OPN4: variants seen among roughly 807,000 people sequenced by gnomAD.
OPN4 encodes the protein melanopsin.
Under a neutral mutation model 49.5 loss-of-function variants are expected in OPN4, and 43 were observed. The ratio of observed to expected loss-of-function variants is 0.87; its 90% CI spans 0.68 to 1.12. The LOEUF is 1.12. OPN4 is among the 50% of genes most tolerant of loss of function. The pLI, the probability that OPN4 is intolerant of heterozygous loss-of-function variation, is 0.00. For synonymous variants in OPN4, 263 were observed against 258.0 expected, an observed-to-expected ratio of 1.02 and a Z score of -0.19; for missense variants, 657 against 643.9, an observed-to-expected ratio of 1.02 and a Z score of -0.22.
chr10:86,664,644 C>T (rs187603098), intron 9 of OPN4, among the ~76,000 whole-genome samples: 2 of 152,320 alleles, frequency 1.3e-5, no homozygotes, highest in Non-Finnish European at 2.9e-5. Context: ...AAGGCACATT[C>T]CTGCCTGCCT....
At chr10:86,656,324 C>T in intron 2 of OPN4, 24 bp downstream of exon 2, 1 of 1,572,396 alleles carries the variant, frequency 6.4e-7, no homozygotes, top group East Asian at 2.3e-5. Flanking sequence ...GGTGCTGGGC[C>T]CAGGGCACTG....
rs759120343 is a variant in OPN4, at chr10:86,656,232, C to T, written c.222C>T (p.Gly74=). The change falls in exon 2 of 10, where the codon GGC becomes GGT. Residue 74 remains glycine (G), a synonymous_variant. Transcript: ENST00000241891. ...DVPDHAHYTL[G]TVILLVGLTG... ...CAGACCATGCCCACTATACCCTGGGCACAGTGATCTTGCTGGTGGGACTCA... is the reference window on the plus strand; with the variant it reads ...CAGACCATGCCCACTATACCCTGGGTACAGTGATCTTGCTGGTGGGACTCA... 1 of 1,614,056 alleles carries T rather than the reference C, an allele frequency of 6.2e-7. No homozygotes were observed. Among genetic ancestry groups the T allele is most frequent in the Non-Finnish European group, 8.5e-7 (1 of 1,179,980 alleles).
intron 6 of OPN4, 128 bp from the exon 7 acceptor site, chr10:86,661,153 C>T: frequency 2.7e-6 from 2 of 739,376 alleles, no homozygotes; most frequent in Non-Finnish European, 4.7e-6. Context: ...CAATTCCTCC[C>T]TATGGGGCTG....
At chr10:86,657,347 C>A in intron 2 of OPN4, 1 of 711,378 alleles carries the variant, frequency 1.4e-6, no homozygotes, top group South Asian at 1.5e-5. Context: ...TGACGCCTCC[C>A]TCAGGGTAGA....
At chr10:86,662,601 C>A (rs12244985) in intron 8 of OPN4, among the ~76,000 whole-genome samples, 169 bp downstream of exon 8, 1 of 152,200 alleles carries the variant, frequency 6.6e-6, no homozygotes, top group African/African-American at 2.4e-5. Context: ...CCATGAAGTT[C>A]GTAATCCTCC....
intron 8 of OPN4, among the ~76,000 whole-genome samples, chr10:86,662,989 A>G (rs544567560): frequency 5.9e-5 from 9 of 152,344 alleles, no homozygotes; most frequent in African/African-American, 1.9e-4. Flanking sequence ...TCTGAAAGGG[A>G]AAAGAGGCTT....
rs1444465854 is a variant in OPN4 at position 86,659,406 on chromosome 10, C to G, written c.738C>G (p.Leu246=). The G allele has an allele frequency of 8.7e-6, 14 of 1,614,170 alleles. No individual in the cohort carries two copies. The highest frequency in any genetic ancestry group is 1.2e-5 in the Non-Finnish European group (14 of 1,180,016). Residue 246 remains leucine, a synonymous_variant, in exon 5 of 10, where the codon CTC becomes CTG. Transcript: ENST00000241891. ...TMLLCCFVFF[L]PLLIIIYCYI... ...TTCTCTGCTGCTTCGTGTTCTTCCT[C>G]CCTCTGCTTATCATCATCTACTGCT...
Position 86,666,000 on chromosome 10 carries a change from T to C in OPN4, c.*249T>C, listed in dbSNP as rs80017361. ...CCCGAGGCTCAGCCTGAGGGGTATGTGCCCAGGCCCTCCCACTTCCCGAGT... is the reference window on the plus strand; with the variant it reads ...CCCGAGGCTCAGCCTGAGGGGTATGCGCCCAGGCCCTCCCACTTCCCGAGT... On this transcript the variant is annotated 3_prime_UTR_variant, in exon 10 of 10. Coordinates refer to ENST00000241891, the MANE Select transcript of OPN4 (RefSeq NM_033282.4). The C allele has an allele frequency of 6.3e-4, 339 of 537,806 alleles. 3 individuals carry two copies. In the East Asian group the frequency reaches 0.011, roughly 17 times the overall value. The allele number at this position is 537,806 out of a possible 1,614,324, so 33.3% of individuals were successfully genotyped here. A position where few individuals can be genotyped will look rare whatever the true frequency, so the allele number is the denominator to read the frequency against.
In OPN4 at chr10:86,654,561, C is replaced by T. The variant is rs112490531; in HGVS notation, c.-223C>T. ...ACTCTGTGGCTGTGAGTCACCATAA[C>T]TGCGACACTCACTCATTTGCGCTTC... On this transcript the variant is annotated 5_prime_UTR_variant, in exon 1 of 10. Transcript: ENST00000241891. The T allele has an allele frequency of 3.7e-4, 205 of 550,476 alleles. 1 individual carries two copies. The highest frequency in any genetic ancestry group is 3.3e-3 in the African/African-American group (174 of 53,366). The allele number at this position is 550,476 out of a possible 1,614,324, so 34.1% of individuals were successfully genotyped here. A position where few individuals can be genotyped will look rare whatever the true frequency, so the allele number is the denominator to read the frequency against.
intron 6 of OPN4, 34 bp downstream of exon 6, chr10:86,660,093 G>T (rs746367415): frequency 6.2e-7 from 1 of 1,610,142 alleles, no homozygotes; most frequent in Non-Finnish European, 8.5e-7. Flanking sequence ...GGAAGAGGCT[G>T]AAGGTGTGGG....
intron 9 of OPN4, among the ~76,000 whole-genome samples, chr10:86,664,477 C>T (rs1844096590): frequency 6.6e-6 from 1 of 152,140 alleles, no homozygotes; most frequent in Admixed American, 6.5e-5. Flanking sequence ...TTAGAGAAGG[C>T]CATATTCTGG....
chr10:86,664,749 C>CG, intron 9 of OPN4, among the ~76,000 whole-genome samples: 1 of 152,224 alleles, frequency 6.6e-6, no homozygotes, highest in African/African-American at 2.4e-5. Flanking sequence ...GCATTCCCCC[C>CG]GGGGGCCCCG....
intron 2 of OPN4, among the ~76,000 whole-genome samples, chr10:86,657,668 G>A (rs1188882610): frequency 6.6e-6 from 1 of 152,202 alleles, no homozygotes; most frequent in Non-Finnish European, 1.5e-5. Context: ...CAAGGAAATG[G>A]TGTGAGTCGT....
chr10:86,659,839 C>G, intron 5 of OPN4, 56 bp from the exon 6 acceptor site: 2 of 1,586,536 alleles, frequency 1.3e-6, no homozygotes, highest in Non-Finnish European at 1.7e-6. Context: ...CAGCCGTGAC[C>G]CTGGTGCTGA....
rs562266488 is a variant in OPN4, at chr10:86,657,619, C to A, written c.291-413C>A. Among the ~76,000 whole-genome samples, 113 of 152,194 alleles carry A rather than the reference C, an allele frequency of 7.4e-4. 1 individual carries two copies. The highest frequency in any genetic ancestry group is 2.4e-3 in the African/African-American group (99 of 41,528). ...ACCTAGGGAGAAACCTCTAGGGAGA[C>A]CTTGGCCTAGAGGGACTCAAGGAAA... On this transcript the variant is annotated intron_variant, in intron 2 of 9. Transcript: ENST00000241891.
intron 2 of OPN4, among the ~76,000 whole-genome samples, chr10:86,656,962 AAAAAG>A (rs1241437274): frequency 4.6e-5 from 7 of 150,850 alleles, no homozygotes; most frequent in African/African-American, 1.7e-4. Context: ...AAAAAAAAAA[AAAAAG>A]AGCAGCCCTG....
At chr10:86,662,226 C>T (rs1345260082) in intron 7 of OPN4, 26 bp from the exon 8 acceptor site, 2 of 1,601,892 alleles carry the variant, frequency 1.2e-6, no homozygotes, top group East Asian at 4.5e-5. Context: ...ATCCCCTGGC[C>T]CTAATCAGAT....
Position 86,661,278 on chromosome 10 carries a change from T to C in OPN4, c.966-3T>C. The stretch of plus-strand genomic sequence containing the variant: ...CTTGGGGACCACACCTTCTCTGTCC[T>C]AGGTACGCACACGTCCTGACACCCT... On this transcript the variant is annotated splice_region_variant and splice_polypyrimidine_tract_variant and intron_variant, in intron 6 of 9. Transcript: ENST00000241891. The C allele has an allele frequency of 6.2e-7, 1 of 1,612,986 alleles. No homozygotes were observed.
intron 6 of OPN4, among the ~76,000 whole-genome samples, chr10:86,660,634 A>G (rs1481264483): frequency 6.6e-6 from 1 of 152,152 alleles, no homozygotes; most frequent in African/African-American, 2.4e-5. Flanking sequence ...AGAGGGCATC[A>G]CGGTTGGGGT....
Sources: allele counts gnomAD v4.1 joint callset (sites outside exome capture counted in the v4.1 genomes callset), GRCh38; gene constraint gnomAD v4.1.1; transcripts MANE v1.5; gene names NCBI Gene and HGNC (gene_info 2026-07-23, HGNC 2026-07-21).